Variants in GLMN observed in about 807,000 individuals in gnomAD.
GLMN encodes glomulin, FKBP associated protein, also known as glomulin.
Under a neutral mutation model 87.8 loss-of-function variants are expected in GLMN, and 75 were observed. The observed-to-expected ratio is 0.85, with a 90% CI of 0.71 to 1.04. The LOEUF (loss-of-function observed/expected upper bound fraction) is 1.04. Among genes scored for constraint, GLMN ranks in the 50% least tolerant of loss-of-function variants. GLMN has a pLI of 0.00. For missense variants in GLMN, 588 were observed against 658.8 expected (o/e 0.89, Z 1.18); for synonymous variants, 206 against 221.6 (o/e 0.93, Z 0.63).
At chr1:92,367,766 A>G in the GLMN span, among the ~76,000 whole-genome samples, 1 of 152,224 alleles carries the variant, frequency 6.6e-6, no homozygotes, top group African/African-American at 2.4e-5. Context: ...TTTTATTCAC[A>G]TAGACATTCT....
upstream of GLMN, among the ~76,000 whole-genome samples, chr1:92,302,907 AT>A (rs540316793): frequency 8.6e-5 from 13 of 150,594 alleles, no homozygotes; most frequent in East Asian, 2.2e-3. Context: ...GCCCGCATTA[AT>A]TTTTTTTTGG....
At position 92,297,750 on chromosome 1, in the gene GLMN, G is replaced by A. The variant is rs370052592; in HGVS notation, c.39+211C>T. The A allele has an allele frequency of 6.0e-4, 379 of 629,068 alleles. 1 individual carries two copies. The African/African-American group carries it at 6.1e-3, about 10-fold the overall frequency. 39.0% of individuals were successfully genotyped at this position (629,068 alleles called of 1,614,324 possible). A position where few individuals can be genotyped will look rare whatever the true frequency, so the allele number is the denominator to read the frequency against. Reference sequence around the variant, plus strand: ...CTGTACCAGTGAAATCTATGAAAAGGATCAGGATTAAAATGTAAAAGGTTA... The same window carrying A: ...CTGTACCAGTGAAATCTATGAAAAGAATCAGGATTAAAATGTAAAAGGTTA... On this transcript the variant is annotated intron_variant, in intron 2 of 18. Coordinates refer to ENST00000370360, the MANE Select transcript of GLMN (RefSeq NM_053274.3).
At chr1:92,314,751 A>T in the GLMN span, among the ~76,000 whole-genome samples, 6 of 139,408 alleles carry the variant, frequency 4.3e-5, no homozygotes, top group Admixed American at 1.5e-4. Flanking sequence ...TCAATAAATT[A>T]AAAAAAAAAA....
the GLMN span, among the ~76,000 whole-genome samples, chr1:92,341,818 T>G: frequency 6.6e-6 from 1 of 152,182 alleles, no homozygotes; most frequent in East Asian, 1.9e-4. Flanking sequence ...CTAATTTTCA[T>G]ATTTTTAGTA....
At chr1:92,299,433 C>G (rs1378089585), upstream of GLMN, among the ~76,000 whole-genome samples, 1 of 152,094 alleles carries the variant, frequency 6.6e-6, no homozygotes, top group Non-Finnish European at 1.5e-5. Flanking sequence ...GCCTGGGGTC[C>G]CCGGGTTTCG....
At chr1:92,345,071 A>G in the GLMN span, among the ~76,000 whole-genome samples, 1 of 152,188 alleles carries the variant, frequency 6.6e-6, no homozygotes, top group Non-Finnish European at 1.5e-5. Context: ...TTTCTTTAAT[A>G]AAGACCTATT....
At chr1:92,260,426 G>GC (rs1442246485) in intron 16 of GLMN, among the ~76,000 whole-genome samples, 1 of 151,376 alleles carries the variant, frequency 6.6e-6, no homozygotes, top group African/African-American at 2.4e-5. Context: ...GACCAGCCTG[G>GC]GCAACATGAT....
the GLMN span, among the ~76,000 whole-genome samples, chr1:92,328,772 G>T: frequency 6.6e-6 from 1 of 152,126 alleles, no homozygotes; most frequent in African/African-American, 2.4e-5. Flanking sequence ...CATTTGGGTA[G>T]ACTGTGAGAA....
In GLMN at chr1:92,291,515, C is replaced by T; in HGVS notation, c.188G>A (p.Trp63Ter). Reference sequence around the variant, plus strand: ...TCGAACAACAGGACCAACGAGATTCCAGCCCATATTCTTGATGATGACCTG... The same window carrying T: ...TCGAACAACAGGACCAACGAGATTCTAGCCCATATTCTTGATGATGACCTG... ...KNKVIIKNMG[W>*]NLVGPVVRCL... Residue 63 changes from tryptophan to a stop codon, truncating the protein, a stop_gained, in exon 4 of 19, where the codon TGG (tryptophan) becomes TAG (stop). Transcript: ENST00000370360. LOFTEE classifies it high-confidence loss of function. The T allele has an allele frequency of 6.2e-7, 1 of 1,613,302 alleles. No homozygotes were observed. Among genetic ancestry groups the T allele is most frequent in the African/African-American group, 1.3e-5 (1 of 75,016 alleles).
the GLMN span, among the ~76,000 whole-genome samples, chr1:92,356,585 A>ATTGTTT: frequency 1.9e-5 from 1 of 51,784 alleles, no homozygotes. Flanking sequence ...CTCCTGGCTA[A>ATTGTTT]TTTTTTTTTT....
chr1:92,267,596 C>T (rs1015104521), intron 11 of GLMN, among the ~76,000 whole-genome samples: 5 of 151,266 alleles, frequency 3.3e-5, no homozygotes, highest in Non-Finnish European at 7.4e-5. Context: ...CCCAGCTACT[C>T]GGGAGGCTGA....
At chr1:92,300,819 G>A (rs1400852872), upstream of GLMN, among the ~76,000 whole-genome samples, 1 of 152,180 alleles carries the variant, frequency 6.6e-6, no homozygotes, top group Non-Finnish European at 1.5e-5. Context: ...TATAAGATAT[G>A]TCGGACCTGT....
chr1:92,370,576 A>G, the GLMN span, among the ~76,000 whole-genome samples: 51 of 152,204 alleles, frequency 3.4e-4, no homozygotes, highest in African/African-American at 1.2e-3. Flanking sequence ...CTGTTGCAGC[A>G]TGCTACACAT....
At chr1:92,356,429 A>AT in the GLMN span, among the ~76,000 whole-genome samples, 1 of 151,418 alleles carries the variant, frequency 6.6e-6, no homozygotes, top group Non-Finnish European at 1.5e-5. Flanking sequence ...TTTTGTTTTT[A>AT]TTTTTTGAGA....
the GLMN span, among the ~76,000 whole-genome samples, chr1:92,318,177 A>G: frequency 6.6e-6 from 1 of 152,164 alleles, no homozygotes; most frequent in Non-Finnish European, 1.5e-5. Context: ...TGGCATGTCC[A>G]CCTTCCCAAC....
the GLMN span, among the ~76,000 whole-genome samples, chr1:92,331,366 A>G: frequency 1.3e-5 from 2 of 152,164 alleles, no homozygotes; most frequent in Non-Finnish European, 2.9e-5. Context: ...TTTGGGTTTA[A>G]ATCTACCATC....
chr1:92,345,379 TA>T, the GLMN span, among the ~76,000 whole-genome samples: 24,222 of 73,694 alleles, frequency 0.33, 2,989 homozygotes, highest in Non-Finnish European at 0.37. Flanking sequence ...CCCGTTTCTT[TA>T]AAAAAAAAAA....
intron 11 of GLMN, among the ~76,000 whole-genome samples, chr1:92,267,501 A>C (rs1655770829): frequency 6.6e-6 from 1 of 151,970 alleles, no homozygotes; most frequent in Non-Finnish European, 1.5e-5. Context: ...CAGGAGATCG[A>C]GACCATCCTG....
the GLMN span, among the ~76,000 whole-genome samples, chr1:92,328,975 C>T: frequency 2.0e-5 from 3 of 152,182 alleles, no homozygotes; most frequent in African/African-American, 7.2e-5. Flanking sequence ...GGAGTGTCTG[C>T]AAAGGGTCCT....
Sources: allele counts gnomAD v4.1 joint callset (sites outside exome capture counted in the v4.1 genomes callset), GRCh38; gene constraint gnomAD v4.1.1; transcripts MANE v1.5; gene names NCBI Gene and HGNC (gene_info 2026-07-23, HGNC 2026-07-21).